The following GRM3 variants were observed in gnomAD, a reference collection of about 807,000 sequenced individuals.
GRM3 encodes the protein glutamate metabotropic receptor 3.
Under a neutral mutation model 70.5 loss-of-function variants are expected in GRM3, and 26 were observed. The ratio of observed to expected loss-of-function variants is 0.37; its 90% CI spans 0.27 to 0.51. The LOEUF (loss-of-function observed/expected upper bound fraction) is 0.51, where lower values mean the gene tolerates loss of function less well. Among genes scored for constraint, GRM3 ranks in the 20% least tolerant of loss-of-function variants. GRM3 has a pLI of 0.93. For missense variants in GRM3, 859 were observed against 1,123.8 expected, an observed-to-expected ratio of 0.76 and a Z score of 3.37; for synonymous variants, 443 against 434.9, an observed-to-expected ratio of 1.02 and a Z score of -0.23.
intron 1 of GRM3, among the ~76,000 whole-genome samples, chr7:86,722,061 T>C (rs1012681804): frequency 1.3e-5 from 2 of 152,070 alleles, no homozygotes; most frequent in Admixed American, 1.3e-4. Context: ...TGAAAGAAAC[T>C]CTTGAGATTG....
intron 4 of GRM3, among the ~76,000 whole-genome samples, chr7:86,848,845 C>T (rs879547960): frequency 7.9e-5 from 12 of 152,086 alleles, no homozygotes; most frequent in Non-Finnish European, 1.6e-4. Flanking sequence ...AATCAGGTCC[C>T]AATTCAGGGC....
At chr7:86,782,034 T>G (rs979306003) in intron 2 of GRM3, among the ~76,000 whole-genome samples, 1 of 152,212 alleles carries the variant, frequency 6.6e-6, no homozygotes, top group African/African-American at 2.4e-5. Context: ...ATTAAACCCA[T>G]GCTGATTCCT....
At chr7:86,820,677 A>G (rs543126752) in intron 3 of GRM3, among the ~76,000 whole-genome samples, 2 of 152,270 alleles carry the variant, frequency 1.3e-5, no homozygotes, top group African/African-American at 4.8e-5. Flanking sequence ...CTTCAGTCTC[A>G]TATTAATCAT....
At chr7:86,692,467 AT>A (rs1251675550) in intron 1 of GRM3, among the ~76,000 whole-genome samples, 1 of 152,206 alleles carries the variant, frequency 6.6e-6, no homozygotes, top group African/African-American at 2.4e-5. Context: ...GCCTGCTGCT[AT>A]TATACCAGAT....
At chr7:86,687,836 T>A (rs1794602139) in intron 1 of GRM3, among the ~76,000 whole-genome samples, 1 of 152,004 alleles carries the variant, frequency 6.6e-6, no homozygotes, top group African/African-American at 2.4e-5. Context: ...ATGTTTTGCA[T>A]GTTTAAATAA....
intron 1 of GRM3, among the ~76,000 whole-genome samples, chr7:86,655,023 G>C (rs1363072231): frequency 6.6e-6 from 1 of 152,162 alleles, no homozygotes; most frequent in Non-Finnish European, 1.5e-5. Flanking sequence ...GTTTTTCCAG[G>C]TGTTAAAAGC....
intron 1 of GRM3, among the ~76,000 whole-genome samples, chr7:86,723,366 A>G (rs1282486168): frequency 6.6e-6 from 1 of 152,176 alleles, no homozygotes; most frequent in East Asian, 1.9e-4. Context: ...CTTCTAGTAC[A>G]TAGAGAAATA....
intron 4 of GRM3, among the ~76,000 whole-genome samples, chr7:86,847,274 T>C (rs1220854943): frequency 6.6e-6 from 1 of 152,174 alleles, no homozygotes; most frequent in African/African-American, 2.4e-5. Context: ...TGTAGAATAA[T>C]TTCCCAACAG....
chr7:86,775,188 A>C (rs1468751145), intron 2 of GRM3: 19 of 152,150 alleles, frequency 1.2e-4, no homozygotes, highest in African/African-American at 2.4e-5. Flanking sequence ...GGAATTTAAA[A>C]GTTCTTCATC....
intron 1 of GRM3, among the ~76,000 whole-genome samples, chr7:86,704,050 A>G (rs572603591): frequency 6.6e-6 from 1 of 152,010 alleles, no homozygotes; most frequent in East Asian, 1.9e-4. Context: ...TACTTACCTC[A>G]GGTGATGATT....
intron 3 of GRM3, among the ~76,000 whole-genome samples, chr7:86,797,581 T>C (rs753066214): frequency 1.2e-4 from 19 of 152,194 alleles, no homozygotes; most frequent in Admixed American, 5.9e-4. Context: ...TTGGAACTTA[T>C]GTTTAAAAGA....
chr7:86,835,234 TG>T (rs1313329257), intron 3 of GRM3, among the ~76,000 whole-genome samples: 1 of 152,104 alleles, frequency 6.6e-6, no homozygotes, highest in Non-Finnish European at 1.5e-5. Flanking sequence ...AATTATTGTA[TG>T]GTAATATACA....
chr7:86,774,014 C>T (rs976666466), intron 2 of GRM3, among the ~76,000 whole-genome samples: 1 of 152,112 alleles, frequency 6.6e-6, no homozygotes, highest in South Asian at 2.1e-4. Flanking sequence ...AGAATACAGA[C>T]ATTCCTAAGA....
chr7:86,693,858 G>A (rs960203136), intron 1 of GRM3, among the ~76,000 whole-genome samples: 3 of 152,116 alleles, frequency 2.0e-5, no homozygotes, highest in African/African-American at 4.8e-5. Context: ...CTTTGACCAC[G>A]GAAGAGCTTT....
intron 1 of GRM3, among the ~76,000 whole-genome samples, chr7:86,735,792 TAA>T (rs1795844282): frequency 6.6e-6 from 1 of 152,196 alleles, no homozygotes; most frequent in African/African-American, 2.4e-5. Flanking sequence ...CATTTTACCA[TAA>T]AGACTTCAAT....
intron 3 of GRM3, among the ~76,000 whole-genome samples, chr7:86,797,998 C>A (rs762414020): frequency 6.6e-6 from 1 of 152,170 alleles, no homozygotes; most frequent in African/African-American, 2.4e-5. Flanking sequence ...CCTGCATGTG[C>A]ACAGAAGACA....
intron 1 of GRM3, among the ~76,000 whole-genome samples, chr7:86,704,960 A>G (rs1252677610): frequency 6.6e-6 from 1 of 151,876 alleles, no homozygotes; most frequent in Non-Finnish European, 1.5e-5. Flanking sequence ...TAATTTCTTT[A>G]ATCTTGAGAA....
rs2116736513 is a variant in GRM3 at position 86,839,308 on chromosome 7, T to C, written c.1794T>C (p.Phe598=). 1 of 1,613,938 alleles carries C rather than the reference T, an allele frequency of 6.2e-7. No homozygotes were observed. Among genetic ancestry groups the C allele is most frequent in the Non-Finnish European group, 8.5e-7 (1 of 1,179,810 alleles). ...FMCTCMVVTV[F]IKHNNTPLVK... ...GTACATGCATGGTTGTAACTGTTTT[T>C]ATCAAGCACAACAACACACCCTTGG... is the stretch of plus-strand genomic sequence containing the variant. The change falls in exon 4 of 6, where the codon TTT becomes TTC. Residue 598 remains phenylalanine, a synonymous_variant. Coordinates refer to ENST00000361669, the MANE Select transcript of GRM3 (RefSeq NM_000840.3). The surrounding 1 kb of genome is among the most constrained non-coding windows in gnomAD (Gnocchi z 4.5).
intron 1 of GRM3, among the ~76,000 whole-genome samples, chr7:86,674,711 A>G (rs1302004814): frequency 1.3e-5 from 2 of 152,154 alleles, no homozygotes; most frequent in African/African-American, 4.8e-5. Flanking sequence ...ATCCCTGAGT[A>G]TGTTTACAAC....
Sources: allele counts gnomAD v4.1 joint callset (sites outside exome capture counted in the v4.1 genomes callset), GRCh38; gene constraint gnomAD v4.1.1; non-coding constraint Gnocchi (gnomAD v3.1); transcripts MANE v1.5; gene names NCBI Gene and HGNC (gene_info 2026-07-23, HGNC 2026-07-21).